COLEC10: variants seen among roughly 807,000 people sequenced by gnomAD.
The protein encoded by COLEC10 is collectin subfamily member 10, also known as collectin-10.
In COLEC10, 22 loss-of-function variants were observed where a neutral mutation model predicts 28.4. The ratio of observed to expected loss-of-function variants is 0.78; its 90% CI spans 0.55 to 1.11. The LOEUF (loss-of-function observed/expected upper bound fraction) is 1.11, where lower values mean the gene tolerates loss of function less well. Ranked by LOEUF, COLEC10 falls within the 50% of genes least tolerant of loss-of-function variation. The probability of loss-of-function intolerance (pLI) is 0.00; values close to 1 mark genes in which losing one functional copy is unlikely to be tolerated. For synonymous variants in COLEC10, 125 were observed against 116.1 expected, an observed-to-expected ratio of 1.08 and a Z score of -0.49; for missense variants, 361 against 344.1, an observed-to-expected ratio of 1.05 and a Z score of -0.39.
At chr8:118,952,330 C>T in the COLEC10 span, 2 of 161,564 alleles carry the variant, frequency 1.2e-5, no homozygotes, top group Non-Finnish European at 2.7e-5. Flanking sequence ...AAGATCCGGA[C>T]GCAGTTGGAG....
intron 2 of COLEC10, among the ~76,000 whole-genome samples, chr8:119,040,482 A>ATGTG (rs1814473886): frequency 6.6e-6 from 1 of 152,160 alleles, no homozygotes; most frequent in Admixed American, 6.6e-5. Context: ...TATATTATAA[A>ATGTG]TATAAGTGGA....
chr8:118,985,960 A>T, the COLEC10 span, among the ~76,000 whole-genome samples: 1 of 152,076 alleles, frequency 6.6e-6, no homozygotes, highest in African/African-American at 2.4e-5. Context: ...AGTGACCAGA[A>T]GAGGCAACTA....
chr8:119,060,838 T>TCTTTC (rs1814843115), intron 2 of COLEC10, among the ~76,000 whole-genome samples: 2 of 152,254 alleles, frequency 1.3e-5, no homozygotes, highest in Non-Finnish European at 2.9e-5. Context: ...AGTTAGTGCC[T>TCTTTC]CCTAACTATG....
chr8:118,986,429 C>T, the COLEC10 span, among the ~76,000 whole-genome samples: 8 of 152,032 alleles, frequency 5.3e-5, no homozygotes, highest in African/African-American at 1.7e-4. Context: ...CAGAAGAAAA[C>T]CAACGTCCAA....
At chr8:118,985,429 A>T in the COLEC10 span, among the ~76,000 whole-genome samples, 11 of 152,216 alleles carry the variant, frequency 7.2e-5, no homozygotes, top group African/African-American at 2.4e-4. Flanking sequence ...ATTGTGCAGG[A>T]GTATGAGAGA....
chr8:118,985,288 CT>C, the COLEC10 span, among the ~76,000 whole-genome samples: 3 of 151,970 alleles, frequency 2.0e-5, no homozygotes, highest in African/African-American at 7.2e-5. Flanking sequence ...TCAGGTCCTC[CT>C]TAAAAAAAAA....
At chr8:119,045,191 C>T (rs967466923) in intron 2 of COLEC10, among the ~76,000 whole-genome samples, 2 of 152,206 alleles carry the variant, frequency 1.3e-5, no homozygotes, top group Non-Finnish European at 2.9e-5. Context: ...TGACCTCCGG[C>T]ATTAATACAA....
At position 119,002,819 on chromosome 8, in the gene COLEC10, C is replaced by G. The variant is rs139639354; in HGVS notation, n.123-6622C>G. Among the ~76,000 whole-genome samples, 548 of 152,212 alleles carry G rather than the reference C, an allele frequency of 3.6e-3. 3 individuals carry two copies. Among genetic ancestry groups the G allele is most frequent in the African/African-American group, 0.012 (513 of 41,552 alleles). On this transcript the variant is annotated intron_variant and non_coding_transcript_variant, in intron 1 of 6. Transcript: ENST00000521788. ...AAAATAGGTGATCAAAAGGTATTAC[C>G]TGCATAGCATATATCACTGAAGACA...
chr8:118,954,524 C>T, the COLEC10 span, among the ~76,000 whole-genome samples: 54 of 152,224 alleles, frequency 3.5e-4, no homozygotes, highest in Non-Finnish European at 7.1e-4. Context: ...AACTGGAAGA[C>T]TACATTCATC....
the COLEC10 span, among the ~76,000 whole-genome samples, chr8:118,981,470 T>C: frequency 1.3e-5 from 2 of 152,154 alleles, no homozygotes; most frequent in East Asian, 3.9e-4. Context: ...CTCCCAATGG[T>C]TATACTTAAA....
intron 2 of COLEC10, among the ~76,000 whole-genome samples, chr8:119,031,590 G>T (rs1426424257): frequency 9.9e-5 from 15 of 152,210 alleles, no homozygotes; most frequent in Admixed American, 9.8e-4. Flanking sequence ...TTGTGATGCT[G>T]ATGATTGGCA....
the COLEC10 span, among the ~76,000 whole-genome samples, chr8:118,962,163 T>A: frequency 1.3e-5 from 2 of 152,184 alleles, no homozygotes; most frequent in African/African-American, 2.4e-5. Context: ...GGGCAGCACG[T>A]TGAAGTCCAA....
At chr8:118,993,994 C>T (rs191187631), upstream of COLEC10, among the ~76,000 whole-genome samples, 94 of 152,204 alleles carry the variant, frequency 6.2e-4, no homozygotes, top group African/African-American at 2.1e-3. Flanking sequence ...TGCTTTTAGC[C>T]AGTGTCAGGT....
chr8:119,025,887 A>T (rs1814181402), intron 2 of COLEC10, among the ~76,000 whole-genome samples: 2 of 152,172 alleles, frequency 1.3e-5, no homozygotes, highest in South Asian at 2.1e-4. Context: ...CTAGATTCTC[A>T]CTATAACACA....
intron 5 of COLEC10, among the ~76,000 whole-genome samples, chr8:119,105,515 G>T (rs1233193472): frequency 6.6e-6 from 1 of 152,154 alleles, no homozygotes; most frequent in Non-Finnish European, 1.5e-5. Flanking sequence ...TATAGTATGA[G>T]ATGGGCTGGC....
Position 119,107,051 on chromosome 8 carries a change from ATCTT to A in COLEC10, c.*861_*864del, listed in dbSNP as rs1470110413. On this transcript the variant is annotated 3_prime_UTR_variant, in exon 6 of 6. Coordinates refer to ENST00000332843, the MANE Select transcript of COLEC10 (RefSeq NM_006438.5). The stretch of plus-strand genomic sequence containing the variant: ...TATTAACTTAACTTCATTTTTATTT[ATCTT>A]AGGTTTACCTGCATCAATTTTATTC... Among the ~76,000 whole-genome samples, 2 of 152,154 alleles carry A rather than the reference ATCTT, an allele frequency of 1.3e-5. No homozygotes were observed. The highest frequency in any genetic ancestry group is 4.8e-5 in the African/African-American group (2 of 41,448).
At chr8:118,991,488 C>G (rs11992136), upstream of COLEC10, among the ~76,000 whole-genome samples, 92,425 of 152,020 alleles carry the variant, frequency 0.61, 29,378 homozygotes, top group African/African-American at 0.79. Context: ...CTGAAACCTA[C>G]AGAGGGAAAG....
the COLEC10 span, among the ~76,000 whole-genome samples, chr8:118,969,390 C>A: frequency 6.6e-6 from 1 of 152,046 alleles, no homozygotes; most frequent in African/African-American, 2.4e-5. Flanking sequence ...CAAATTCAAT[C>A]TCCTCATTTT....
intron 2 of COLEC10, among the ~76,000 whole-genome samples, chr8:119,048,453 C>T (rs1797052615): frequency 6.6e-6 from 1 of 152,190 alleles, no homozygotes; most frequent in African/African-American, 2.4e-5. Flanking sequence ...TGACGCCTCC[C>T]ACTGTTATTG....
Sources: gnomAD v4.1 joint callset for allele counts (sites outside exome capture counted in the v4.1 genomes callset) on GRCh38, gnomAD v4.1.1 for gene constraint, MANE v1.5 for transcripts, NCBI Gene and HGNC (gene_info 2026-07-23, HGNC 2026-07-21) for gene names.